The following KAZALD1 variants were observed in gnomAD, a reference collection of about 807,000 sequenced individuals.
KAZALD1 encodes kazal-type serine protease inhibitor domain-containing protein 1.
KAZALD1 carries 31 observed loss-of-function variants against 27.7 expected under a neutral mutation model. That is an observed-to-expected ratio of 1.12 (90% CI 0.84 to 1.51). The LOEUF (loss-of-function observed/expected upper bound fraction) is 1.51. Ranked by LOEUF, KAZALD1 falls within the 40% of genes most tolerant of loss-of-function variation. The pLI, the probability that KAZALD1 is intolerant of heterozygous loss-of-function variation, is 0.00. For missense variants in KAZALD1, 444 were observed against 408.9 expected, an observed-to-expected ratio of 1.09 and a Z score of -0.74; for synonymous variants, 179 against 182.0, an observed-to-expected ratio of 0.98 and a Z score of 0.13.
rs1159794688 is a variant in KAZALD1 at position 101,066,339 on chromosome 10, C to A, written c.*1419C>A. On this transcript the variant is annotated 3_prime_UTR_variant, in exon 5 of 5. Coordinates refer to ENST00000370200, the MANE Select transcript of KAZALD1 (RefSeq NM_030929.5). ...CACATGGGAGGGGTGTGGTCCGGAA[C>A]TCCAACCCCAGGTCCTGCTTGGCCG... 4.4e-6 allele frequency: 2 copies of A among 455,176 alleles called. No individual in the cohort carries two copies. Among genetic ancestry groups the A allele is most frequent in the South Asian group, 1.6e-5 (1 of 64,370 alleles). 28.2% of individuals were successfully genotyped at this position (455,176 alleles called of 1,614,324 possible).
chr10:101,066,149 G>A lies in KAZALD1; in HGVS notation c.*1229G>A, dbSNP rs893833595. On this transcript the variant is annotated 3_prime_UTR_variant, in exon 5 of 5. Coordinates refer to ENST00000370200, the MANE Select transcript of KAZALD1 (RefSeq NM_030929.5). ...ACTCAATGTTTATTTAATGATTGGA[G>A]GAAAGAATGAAAGCATAAGTCAGCG... 3.1e-6 allele frequency: 1 copy of A among 322,694 alleles called. No homozygotes were observed. The highest frequency in any genetic ancestry group is 6.1e-6 in the Non-Finnish European group (1 of 163,054). The allele number at this position is 322,694 out of a possible 1,614,324, so 20.0% of individuals were successfully genotyped here.
At chr10:101,064,782 C>A (rs1434530622) in intron 4 of KAZALD1, 44 bp from the exon 5 acceptor site, 1 of 1,602,612 alleles carries the variant, frequency 6.2e-7, no homozygotes, top group Non-Finnish European at 8.5e-7. Context: ...GCACCGACAG[C>A]CCCTCTCTCC....
In KAZALD1 at chr10:101,062,962, C is replaced by T. The variant is rs758491623; in HGVS notation, c.370C>T (p.Pro124Ser). 2 of 1,601,734 alleles carry T rather than the reference C, an allele frequency of 1.2e-6. No homozygotes were observed. The highest frequency in any genetic ancestry group is 2.2e-5 in the East Asian group (1 of 44,832). Residue 124 changes from proline (P) to serine (S), a missense_variant, in exon 2 of 5, where the codon CCT becomes TCT. Pro to Ser is a moderately conservative substitution (Grantham distance 74). Transcript: ENST00000370200. Reference sequence around the variant, plus strand: ...CCTGAGCCGCGGAGAGGTGCCGGAACCTCTGTGTGCCTGTCGTTCGCAGAG... The same window carrying T: ...CCTGAGCCGCGGAGAGGTGCCGGAATCTCTGTGTGCCTGTCGTTCGCAGAG... ...GDLSRGEVPE[P>S]LCACRSQSPL...
chr10:101,063,487 G>T (rs1178475704), intron 2 of KAZALD1, among the ~76,000 whole-genome samples: 1 of 152,206 alleles, frequency 6.6e-6, no homozygotes, highest in Middle Eastern at 3.2e-3. Context: ...CCTGTGAGAT[G>T]CAATCACGTT....
At chr10:101,062,506 T>G in intron 1 of KAZALD1, 36 bp from the exon 2 acceptor site, 1 of 1,517,018 alleles carries the variant, frequency 6.6e-7, no homozygotes, top group East Asian at 2.5e-5. Flanking sequence ...ACAGGCCCTG[T>G]TTCTGACCTC....
rs1590102851 is a variant in KAZALD1, at chr10:101,066,876, T to A, written c.*1956T>A. 1 of 315,628 alleles carries A rather than the reference T, an allele frequency of 3.2e-6. No individual in the cohort carries two copies. The highest frequency in any genetic ancestry group is 9.4e-5 in the East Asian group (1 of 10,656). The allele number at this position is 315,628 out of a possible 1,614,324, so 19.6% of individuals were successfully genotyped here. The stretch of plus-strand genomic sequence containing the variant: ...CTCAGTTTTCCCCTCCCCGCCCTGC[T>A]GGTTCAAGCACCACAGCCTGGAATG... On this transcript the variant is annotated 3_prime_UTR_variant, in exon 5 of 5. Coordinates refer to ENST00000370200, the MANE Select transcript of KAZALD1 (RefSeq NM_030929.5).
chr10:101,064,495 C>G lies in KAZALD1; in HGVS notation c.673-6C>G. 6.2e-7 allele frequency: 1 copy of G among 1,614,178 alleles called. No individual in the cohort carries two copies. Among genetic ancestry groups the G allele is most frequent in the South Asian group, 1.1e-5 (1 of 91,082 alleles). ...AGGACCCTGCTGATTCCTTGCCTGGCTCCAGTTTAGGGGTGGACCCCAGAG... is the reference window on the plus strand; with the variant it reads ...AGGACCCTGCTGATTCCTTGCCTGGGTCCAGTTTAGGGGTGGACCCCAGAG... On this transcript the variant is annotated splice_region_variant and splice_polypyrimidine_tract_variant and intron_variant, in intron 3 of 4. Coordinates refer to ENST00000370200, the MANE Select transcript of KAZALD1 (RefSeq NM_030929.5).
intron 2 of KAZALD1, 111 bp downstream of exon 2, chr10:101,063,214 T>TAG (rs1270437885): frequency 1.0e-6 from 1 of 970,276 alleles, no homozygotes; most frequent in Non-Finnish European, 1.5e-6. Flanking sequence ...GATAAGGCTA[T>TAG]AGAGGCCTCG....
At position 101,066,348 on chromosome 10, in the gene KAZALD1, C is replaced by G. The variant is rs1391213347; in HGVS notation, c.*1428C>G. ...GGGGTGTGGTCCGGAACTCCAACCCCAGGTCCTGCTTGGCCGCCCCTCCCG... is the reference window on the plus strand; with the variant it reads ...GGGGTGTGGTCCGGAACTCCAACCCGAGGTCCTGCTTGGCCGCCCCTCCCG... On this transcript the variant is annotated 3_prime_UTR_variant, in exon 5 of 5. Transcript: ENST00000370200. The G allele has an allele frequency of 2.2e-6, 1 of 456,046 alleles. No homozygotes were observed. The highest frequency in any genetic ancestry group is 2.4e-5 in the Admixed American group (1 of 42,538). The allele number at this position is 456,046 out of a possible 1,614,324, so 28.2% of individuals were successfully genotyped here.
In KAZALD1 at chr10:101,062,940, G is replaced by C. The variant is rs1939204387; in HGVS notation, c.348G>C (p.Leu116=). The C allele has an allele frequency of 6.2e-7, 1 of 1,602,182 alleles. No individual in the cohort carries two copies. The highest frequency in any genetic ancestry group is 8.5e-7 in the Non-Finnish European group (1 of 1,179,494). The change falls in exon 2 of 5, where the codon CTG becomes CTC. Residue 116 remains leucine, a synonymous_variant. Transcript: ENST00000370200. ...LECRLDTGGD[L]SRGEVPEPLC... ...GCCGGCTGGACACAGGCGGCGACCT[G>C]AGCCGCGGAGAGGTGCCGGAACCTC...
At chr10:101,064,709 T>C in intron 4 of KAZALD1, 61 bp downstream of exon 4, 1 of 1,609,334 alleles carries the variant, frequency 6.2e-7, no homozygotes, top group Non-Finnish European at 8.5e-7. Context: ...GTTGTGAATG[T>C]GTAAGAAACA....
In KAZALD1 at chr10:101,064,339, C is replaced by T. The variant is rs1010267247; in HGVS notation, c.590C>T (p.Ala197Val). The change falls in exon 3 of 5, where the codon GCC becomes GTC. Residue 197 changes from alanine to valine, a missense_variant. Ala to Val is a moderately conservative substitution (Grantham distance 64, BLOSUM62 0). Coordinates refer to ENST00000370200, the MANE Select transcript of KAZALD1 (RefSeq NM_030929.5). Reference sequence around the variant, plus strand: ...GTGATCTTTGGCTGTGAAGTGTTTGCCTACCCCATGGCCTCCATCGAGTGG... The same window carrying T: ...GTGATCTTTGGCTGTGAAGTGTTTGTCTACCCCATGGCCTCCATCGAGTGG... The part of the protein sequence containing the change: ...QDVIFGCEVF[A>V]YPMASIEWRK... 1.9e-6 allele frequency: 3 copies of T among 1,614,196 alleles called. No individual in the cohort carries two copies. Among genetic ancestry groups the T allele is most frequent in the Non-Finnish European group, 2.5e-6 (3 of 1,180,024 alleles).
chr10:101,062,248 A>T, intron 1 of KAZALD1, 133 bp downstream of exon 1: 1 of 315,562 alleles, frequency 3.2e-6, no homozygotes, highest in Non-Finnish European at 5.8e-6. Context: ...CAGGGATCGG[A>T]GTCGGGTGGT....
Position 101,064,599 on chromosome 10 carries a change from T to C in KAZALD1, c.771T>C (p.Asn257=), listed in dbSNP as rs1564657473. ...DEGTYRCLGR[N]ALGQVEAPAS... is the part of the protein sequence containing the mutation. ...GCACTTACCGCTGCCTTGGCCGCAATGCCCTGGGTCAAGTGGAGGCCCCTG... is the reference window on the plus strand; with the variant it reads ...GCACTTACCGCTGCCTTGGCCGCAACGCCCTGGGTCAAGTGGAGGCCCCTG... Residue 257 remains asparagine (N), a synonymous_variant, in exon 4 of 5, where the codon AAT becomes AAC. Transcript: ENST00000370200. The C allele has an allele frequency of 5.0e-6, 8 of 1,613,982 alleles. No homozygotes were observed. The highest frequency in any genetic ancestry group is 1.7e-4 in the Middle Eastern group (1 of 5,970).
Position 101,064,869 on chromosome 10 carries a change from C to G in KAZALD1, c.864C>G (p.Asn288Lys), listed in dbSNP as rs772415022. ...STGIPQLRSL[N>K]LVPEEEAESE... Reference sequence around the variant, plus strand: ...GCATCCCCCAGCTGCGATCACTAAACCTGGTTCCTGAGGAGGAGGCTGAGA... The same window carrying G: ...GCATCCCCCAGCTGCGATCACTAAAGCTGGTTCCTGAGGAGGAGGCTGAGA... The change falls in exon 5 of 5, where the codon AAC becomes AAG. Residue 288 changes from asparagine to lysine, a missense_variant. Asn to Lys is a moderately conservative substitution (Grantham distance 94). Coordinates refer to ENST00000370200, the MANE Select transcript of KAZALD1 (RefSeq NM_030929.5). 2 of 1,614,152 alleles carry G rather than the reference C, an allele frequency of 1.2e-6. No individual in the cohort carries two copies. Among genetic ancestry groups the G allele is most frequent in the Non-Finnish European group, 1.7e-6 (2 of 1,180,018 alleles).
downstream of KAZALD1, chr10:101,067,144 G>A: frequency 5.2e-6 from 2 of 384,642 alleles, no homozygotes; most frequent in South Asian, 1.8e-5. Flanking sequence ...CAGGGGAGGG[G>A]GAGGGAGGGG....
rs772738222 is a variant in KAZALD1 at position 101,066,577 on chromosome 10, C to T, written c.*1657C>T. 2 of 436,694 alleles carry T rather than the reference C, an allele frequency of 4.6e-6. No individual in the cohort carries two copies. The highest frequency in any genetic ancestry group is 3.1e-5 in the South Asian group (2 of 63,546). The allele number at this position is 436,694 out of a possible 1,614,324, so 27.1% of individuals were successfully genotyped here. A position where few individuals can be genotyped will look rare whatever the true frequency, so the allele number is the denominator to read the frequency against. On this transcript the variant is annotated 3_prime_UTR_variant, in exon 5 of 5. Transcript: ENST00000370200. Reference sequence around the variant, plus strand: ...GGCGGGGGTGGGGCGTGCTGTTCGGCGCTGTGGCCAAAATCCGCCCGGCGC... The same window carrying T: ...GGCGGGGGTGGGGCGTGCTGTTCGGTGCTGTGGCCAAAATCCGCCCGGCGC...
In KAZALD1 at chr10:101,062,555, G is replaced by A; in HGVS notation, c.-38G>A. 1 of 1,565,212 alleles carries A rather than the reference G, an allele frequency of 6.4e-7. No individual in the cohort carries two copies. On this transcript the variant is annotated 5_prime_UTR_variant, in exon 2 of 5. Transcript: ENST00000370200. The stretch of plus-strand genomic sequence containing the variant: ...CCTTCCTGGCAGGGTGCCCGAACGC[G>A]CTGATGCCCCGAGTGCTCGCAGGGC...
chr10:101,062,974 T>A lies in KAZALD1; in HGVS notation c.382T>A (p.Cys128Ser), dbSNP rs1282490681. 1.9e-6 allele frequency: 3 copies of A among 1,601,530 alleles called. No homozygotes were observed. The highest frequency in any genetic ancestry group is 2.5e-6 in the Non-Finnish European group (3 of 1,179,386). The change falls in exon 2 of 5, where the codon TGT becomes AGT. Residue 128 changes from cysteine (C) to serine (S), a missense_variant. Transcript: ENST00000370200. ...RGEVPEPLCACRSQSPLCGSD... is the reference protein window; with the variant it reads ...RGEVPEPLCASRSQSPLCGSD... ...AGAGGTGCCGGAACCTCTGTGTGCC[T>A]GTCGTTCGCAGAGTCCGCTCTGCGG...
Sources: gnomAD v4.1 joint callset for allele counts (sites outside exome capture counted in the v4.1 genomes callset) on GRCh38, gnomAD v4.1.1 for gene constraint, MANE v1.5 for transcripts, NCBI Gene and HGNC (gene_info 2026-07-23, HGNC 2026-07-21) for gene names.